The following WDFY4 variants were observed in gnomAD, a reference collection of about 807,000 sequenced individuals.
WDFY4 encodes WD repeat- and FYVE domain-containing protein 4.
Under a neutral mutation model 351.9 loss-of-function variants are expected in WDFY4, and 169 were observed. The ratio of observed to expected loss-of-function variants is 0.48; its 90% confidence interval spans 0.42 to 0.55. The LOEUF is 0.55. Among genes scored for constraint, WDFY4 ranks in the 20% least tolerant of loss-of-function variants. The probability of loss-of-function intolerance (pLI) is 0.00; values close to 1 mark genes in which losing one functional copy is unlikely to be tolerated. For synonymous variants in WDFY4, 1,622 were observed against 1,574.6 expected, an observed-to-expected ratio of 1.03 and a Z score of -0.71; for missense variants, 3,803 against 3,935.6, an observed-to-expected ratio of 0.97 and a Z score of 0.90.
intron 24 of WDFY4, chr10:48,802,606 A>T (rs947252174): frequency 2.3e-6 from 1 of 437,020 alleles, no homozygotes; most frequent in African/African-American, 2.0e-5. Flanking sequence ...GCATCCATCA[A>T]TTCTGCCCCA....
At chr10:48,723,402 G>T (rs2064156627) in intron 4 of WDFY4, 31 bp from the exon 5 acceptor site, 3 of 1,546,270 alleles carry the variant, frequency 1.9e-6, no homozygotes, top group Non-Finnish European at 2.6e-6. Context: ...CTGCCTTGCT[G>T]CCTGGGGTCA....
intron 27 of WDFY4, among the ~76,000 whole-genome samples, chr10:48,806,469 T>C (rs536512612): frequency 1.1e-3 from 167 of 152,334 alleles, no homozygotes; most frequent in African/African-American, 3.8e-3. Context: ...GGTGATGGCC[T>C]GCCCTCTGTC....
intron 53 of WDFY4, among the ~76,000 whole-genome samples, chr10:48,960,998 G>A (rs758296772): frequency 6.6e-6 from 1 of 152,190 alleles, no homozygotes; most frequent in Non-Finnish European, 1.5e-5. Context: ...CTTGACTGTG[G>A]TGATGGTTAC....
Position 48,743,162 on chromosome 10 carries a change from G to A in WDFY4, c.2073G>A (p.Ala691=), listed in dbSNP as rs769905127. ...ACACTCTCTGTGCTGTGTCCGCAGCGCTGCACTGGGACCCTGTCAATGGCT... is the reference window on the plus strand; with the variant it reads ...ACACTCTCTGTGCTGTGTCCGCAGCACTGCACTGGGACCCTGTCAATGGCT... The part of the protein sequence containing the change: ...VLYTLCAVSA[A]LHWDPVNGYF... The change falls in exon 12 of 62, where the codon GCG becomes GCA. Residue 691 remains alanine, a synonymous_variant. Transcript: ENST00000325239. 100 of 1,551,704 alleles carry A rather than the reference G, an allele frequency of 6.4e-5. No individual in the cohort carries two copies. The East Asian group carries it at 1.2e-3, about 19-fold the overall frequency.
intron 43 of WDFY4, among the ~76,000 whole-genome samples, chr10:48,888,913 A>G (rs548442090): frequency 1.3e-5 from 2 of 152,264 alleles, no homozygotes; most frequent in South Asian, 4.2e-4. Flanking sequence ...ACAGGTTGTA[A>G]TAGTTGGTTG....
intron 51 of WDFY4, among the ~76,000 whole-genome samples, chr10:48,951,194 C>T (rs1317787171): frequency 6.6e-6 from 1 of 152,206 alleles, no homozygotes; most frequent in African/African-American, 2.4e-5. Flanking sequence ...GTTTGTTTTT[C>T]TGTCCCAAGC....
intron 4 of WDFY4, among the ~76,000 whole-genome samples, 171 bp from the exon 5 acceptor site, chr10:48,723,262 A>T (rs1321482354): frequency 6.6e-6 from 1 of 151,622 alleles, no homozygotes; most frequent in African/African-American, 2.4e-5. Flanking sequence ...TAATCTTCAC[A>T]GCCACCCTAG....
intron 2 of WDFY4, among the ~76,000 whole-genome samples, chr10:48,712,245 G>A (rs1179406831): frequency 2.0e-5 from 3 of 152,186 alleles, no homozygotes; most frequent in Admixed American, 2.0e-4. Flanking sequence ...AGAATTAATA[G>A]CATTTCAATG....
chr10:48,728,551 G>T (rs141579866), intron 7 of WDFY4, among the ~76,000 whole-genome samples: 1,797 of 152,312 alleles, frequency 0.012, 21 homozygotes, highest in South Asian at 0.021. Context: ...TCACTACAGA[G>T]CCAGGCTTTG....
chr10:48,835,183 G>A (rs938567268), intron 39 of WDFY4, among the ~76,000 whole-genome samples: 6 of 152,218 alleles, frequency 3.9e-5, no homozygotes, highest in Admixed American at 1.3e-4. Flanking sequence ...TGCAGTCTGG[G>A]AAGTAAGATA....
chr10:48,859,922 C>T (rs948560171), intron 39 of WDFY4, among the ~76,000 whole-genome samples: 5 of 152,170 alleles, frequency 3.3e-5, no homozygotes, highest in East Asian at 1.9e-4. Flanking sequence ...TTGGATGAGT[C>T]GTGGTAGTTT....
chr10:48,843,951 A>G (rs2068690945), intron 39 of WDFY4, among the ~76,000 whole-genome samples: 1 of 152,270 alleles, frequency 6.6e-6, no homozygotes, highest in African/African-American at 2.4e-5. Context: ...AGTGTCCCAA[A>G]CTAAAAGATA....
At chr10:48,801,393 C>A in intron 24 of WDFY4, 1 of 410,900 alleles carries the variant, frequency 2.4e-6, no homozygotes, top group South Asian at 1.7e-5. Context: ...GGGTTCACAT[C>A]TGACTTTCTT....
intron 23 of WDFY4, 63 bp from the exon 24 acceptor site, chr10:48,796,235 G>C: frequency 6.7e-7 from 1 of 1,501,928 alleles, no homozygotes; most frequent in Non-Finnish European, 9.0e-7. Flanking sequence ...TGGGACAAGT[G>C]GGTGAAGGGG....
chr10:48,777,636 G>A, intron 17 of WDFY4, 141 bp downstream of exon 17: 1 of 827,890 alleles, frequency 1.2e-6, no homozygotes, highest in South Asian at 1.7e-5. Context: ...CTGTAATACT[G>A]CAATTTGGGA....
chr10:48,822,450 C>G lies in WDFY4; in HGVS notation c.5895C>G (p.Thr1965=), dbSNP rs1317268544. The G allele has an allele frequency of 3.2e-6, 5 of 1,551,332 alleles. No homozygotes were observed. Among genetic ancestry groups the G allele is most frequent in the Non-Finnish European group, 4.4e-6 (5 of 1,146,706 alleles). ...APSLANISCF[T]QKLVEKLYSG... is the part of the protein sequence containing the mutation. ...CTCTTGCCAACATCTCCTGCTTCAC[C>G]CAGAAGCTGGTGGAGAAGCTGTACA... Residue 1965 remains threonine, a synonymous_variant, in exon 35 of 62, where the codon ACC becomes ACG. Coordinates refer to ENST00000325239, the MANE Select transcript of WDFY4 (RefSeq NM_001394531.1).
chr10:48,824,923 G>A (rs1186590673), intron 35 of WDFY4, among the ~76,000 whole-genome samples: 8 of 152,182 alleles, frequency 5.3e-5, no homozygotes. Context: ...TAGCAGTACA[G>A]ATGTGAGCCA....
intron 39 of WDFY4, among the ~76,000 whole-genome samples, chr10:48,841,635 T>A (rs975312682): frequency 9.2e-5 from 14 of 152,236 alleles, no homozygotes; most frequent in Admixed American, 8.5e-4. Context: ...AAGCTCACAT[T>A]TTCCTGCTTT....
chr10:48,979,241 GACC>G (rs1842705156), intron 60 of WDFY4, among the ~76,000 whole-genome samples: 1 of 152,190 alleles, frequency 6.6e-6, no homozygotes, highest in Admixed American at 6.5e-5. Flanking sequence ...GGTACTTGGA[GACC>G]ACCACAAGGA....
Sources: allele counts gnomAD v4.1 joint callset (sites outside exome capture counted in the v4.1 genomes callset), GRCh38; gene constraint gnomAD v4.1.1; transcripts MANE v1.5; gene names NCBI Gene and HGNC (gene_info 2026-07-23, HGNC 2026-07-21).